Variants in DPYSL2 observed in about 807,000 individuals in gnomAD.
The protein encoded by DPYSL2 is dihydropyrimidinase like 2.
Under a neutral mutation model 69.9 loss-of-function variants are expected in DPYSL2, and 13 were observed. The observed-to-expected ratio is 0.19, with a 90% CI of 0.12 to 0.30. The LOEUF (loss-of-function observed/expected upper bound fraction) is 0.30, where lower values mean the gene tolerates loss of function less well. DPYSL2 is among the 10% of genes least tolerant of loss of function. The pLI, the probability that DPYSL2 is intolerant of heterozygous loss-of-function variation, is 1.00. For missense variants in DPYSL2, 587 were observed against 918.9 expected (o/e 0.64, Z 4.67); for synonymous variants, 326 against 359.1 (o/e 0.91, Z 1.04).
intron 3 of DPYSL2, among the ~76,000 whole-genome samples, chr8:26,594,812 A>G (rs1332026503): frequency 2.0e-5 from 3 of 152,240 alleles, no homozygotes; most frequent in Non-Finnish European, 4.4e-5. Flanking sequence ...AGAAGTCTCA[A>G]GGATTGTTTC....
In DPYSL2 at chr8:26,627,590, A is replaced by G. The variant is rs1308680827; in HGVS notation, c.937-282A>G. ...GTACGGGAACCCTCACGTCACACAC[A>G]GGCATTTTACACCGTGGCTGAGGGT... On this transcript the variant is annotated intron_variant, in intron 6 of 13. Coordinates refer to ENST00000521913, the MANE Select transcript of DPYSL2 (RefSeq NM_001197293.3). The surrounding 1 kb of genome is among the most constrained non-coding windows in gnomAD (Gnocchi z 6.9). 1.3e-5 allele frequency among the ~76,000 whole-genome samples: 2 copies of G among 152,214 alleles called. No homozygotes were observed. Among genetic ancestry groups the G allele is most frequent in the African/African-American group, 4.8e-5 (2 of 41,468 alleles).
intron 1 of DPYSL2, among the ~76,000 whole-genome samples, chr8:26,558,368 C>A (rs1801022479): frequency 6.6e-6 from 1 of 152,168 alleles, no homozygotes; most frequent in South Asian, 2.1e-4. Flanking sequence ...GATTCCAACT[C>A]TATGACATTC....
In DPYSL2 at chr8:26,560,741, G is replaced by A. The variant is rs1271807802; in HGVS notation, c.355-21228G>A. ...TATTTTCCAATCACTAACATCCTCT[G>A]TCTTTGCAATATGTATAATTTTATC... On this transcript the variant is annotated intron_variant, in intron 1 of 13. Transcript: ENST00000521913. The surrounding 1 kb of genome is among the most constrained non-coding windows in gnomAD (Gnocchi z 4.4). Among the ~76,000 whole-genome samples the A allele has an allele frequency of 6.6e-6, 1 of 152,180 alleles. No individual in the cohort carries two copies. The highest frequency in any genetic ancestry group is 1.5e-5 in the Non-Finnish European group (1 of 68,042).
chr8:26,606,778 TATTTA>T (rs561490809), intron 3 of DPYSL2, among the ~76,000 whole-genome samples: 77 of 152,362 alleles, frequency 5.1e-4, no homozygotes, highest in Admixed American at 1.6e-3. Flanking sequence ...TTATCTGTTT[TATTTA>T]ATTTCTTTTA....
intron 1 of DPYSL2, chr8:26,578,476 A>T: frequency 6.9e-7 from 1 of 1,453,948 alleles, no homozygotes; most frequent in African/African-American, 1.4e-5. Context: ...CCAGGATTAG[A>T]AGTCGCATCG....
chr8:26,557,438 T>C (rs1330332015), intron 1 of DPYSL2, among the ~76,000 whole-genome samples: 1 of 151,890 alleles, frequency 6.6e-6, no homozygotes, highest in Non-Finnish European at 1.5e-5. Flanking sequence ...CAAATAAGCA[T>C]GTGAAAAGGT....
At position 26,642,497 on chromosome 8, in the gene DPYSL2, G is replaced by A. The variant is rs953194896; in HGVS notation, c.1127-942G>A. ...GTGGATCACTCTGGAAGTGTCATGC[G>A]GAATGAATGGAGAGGTAGGAAGCGG... is the stretch of plus-strand genomic sequence containing the variant. On this transcript the variant is annotated intron_variant, in intron 8 of 13. Transcript: ENST00000521913. The surrounding 1 kb of genome is among the most constrained non-coding windows in gnomAD (Gnocchi z 5.3). Among the ~76,000 whole-genome samples, 19 of 152,292 alleles carry A rather than the reference G, an allele frequency of 1.2e-4. No individual in the cohort carries two copies. The highest frequency in any genetic ancestry group is 1.0e-3 in the South Asian group (5 of 4,826).
chr8:26,514,037 G>C lies in DPYSL2; in HGVS notation c.-289G>C, dbSNP rs1585481902. On this transcript the variant is annotated 5_prime_UTR_variant, in exon 1 of 14. Transcript: ENST00000521913. The surrounding 1 kb of genome is among the most constrained non-coding windows in gnomAD (Gnocchi z 8.4). ...GCTGCCGGGAACTGGCAGCCTTTCG[G>C]CTCCCGCAGCCGCAGCGGACGCCCT... 2 of 273,136 alleles carry C rather than the reference G, an allele frequency of 7.3e-6. No individual in the cohort carries two copies. Among genetic ancestry groups the C allele is most frequent in the East Asian group, 1.4e-4 (2 of 14,614 alleles). 16.9% of individuals were successfully genotyped at this position (273,136 alleles called of 1,614,324 possible). A position where few individuals can be genotyped will look rare whatever the true frequency, so the allele number is the denominator to read the frequency against.
intron 1 of DPYSL2, among the ~76,000 whole-genome samples, chr8:26,558,033 C>T (rs1342323237): frequency 6.6e-6 from 1 of 151,930 alleles, no homozygotes; most frequent in Non-Finnish European, 1.5e-5. Flanking sequence ...GACAGTTTGG[C>T]AGTACATTAC....
At chr8:26,649,232 C>T (rs1803233421) in intron 11 of DPYSL2, among the ~76,000 whole-genome samples, 1 of 152,206 alleles carries the variant, frequency 6.6e-6, no homozygotes, top group Non-Finnish European at 1.5e-5. Context: ...AATTAGAACC[C>T]AAAATTGTTC....
rs1186477708 is a variant in DPYSL2, at chr8:26,585,411, C to T, written c.628+1428C>T. On this transcript the variant is annotated intron_variant, in intron 3 of 13. Transcript: ENST00000521913. This position sits in a 1 kb window ranked among gnomAD's most constrained non-coding sequence, Gnocchi z 4.0. The stretch of plus-strand genomic sequence containing the variant: ...CTCTGGCGTTCTCTCTGTCCTGGCC[C>T]TCAGGGTCTGAAGCATCAGGAACAG... Among the ~76,000 whole-genome samples, 4 of 152,164 alleles carry T rather than the reference C, an allele frequency of 2.6e-5. No individual in the cohort carries two copies. Among genetic ancestry groups the T allele is most frequent in the Non-Finnish European group, 5.9e-5 (4 of 68,046 alleles).
At chr8:26,523,206 A>G (rs1467121406) in intron 1 of DPYSL2, among the ~76,000 whole-genome samples, 1 of 151,852 alleles carries the variant, frequency 6.6e-6, no homozygotes, top group Admixed American at 6.6e-5. Flanking sequence ...TTCTAATCCA[A>G]TGATTTGGGA....
Position 26,653,215 on chromosome 8 carries a change from A to C in DPYSL2, c.1777-17A>C, listed in dbSNP as rs762312752. On this transcript the variant is annotated splice_polypyrimidine_tract_variant and intron_variant, in intron 12 of 13. Transcript: ENST00000521913. The surrounding 1 kb of genome is among the most constrained non-coding windows in gnomAD (Gnocchi z 5.7). Reference sequence around the variant, plus strand: ...TGTGGCTGTGGCCTGAGCTGGGGGGACTCTTGTGTTTTGCAGCTGGCTGAG... The same window carrying C: ...TGTGGCTGTGGCCTGAGCTGGGGGGCCTCTTGTGTTTTGCAGCTGGCTGAG... 1.9e-6 allele frequency: 3 copies of C among 1,609,072 alleles called. No individual in the cohort carries two copies. The highest frequency in any genetic ancestry group is 2.5e-6 in the Non-Finnish European group (3 of 1,177,474).
chr8:26,622,480 GTGTGTGTGTGTGTGTGTA>G (rs1802518466), intron 3 of DPYSL2, among the ~76,000 whole-genome samples: 1 of 94,854 alleles, frequency 1.1e-5, no homozygotes, highest in Non-Finnish European at 2.2e-5. Flanking sequence ...GTGTATATGT[GTGTGTGTGTGTGTGTGTA>G]TATATATATT....
At position 26,653,075 on chromosome 8, in the gene DPYSL2, A is replaced by G. The variant is rs756735790; in HGVS notation, c.1777-157A>G. 3.3e-5 allele frequency among the ~76,000 whole-genome samples: 5 copies of G among 152,132 alleles called. No homozygotes were observed. In the South Asian group the frequency reaches 8.3e-4, roughly 25 times the overall value. ...ACCTTGTGGGGAGTTTTGGCCTGGC[A>G]TGGTGGGAGCTGGCCCCACACAACA... On this transcript the variant is annotated intron_variant, in intron 12 of 13. Transcript: ENST00000521913. This position sits in a 1 kb window ranked among gnomAD's most constrained non-coding sequence, Gnocchi z 5.7.
chr8:26,530,113 CAAAAAAAAA>C (rs34448431), intron 1 of DPYSL2, among the ~76,000 whole-genome samples: 9 of 72,042 alleles, frequency 1.2e-4, no homozygotes, highest in African/African-American at 5.3e-4. Context: ...ACTCCGTCTC[CAAAAAAAAA>C]AAAAAAAAAA....
rs900766450 is a variant in DPYSL2 at position 26,517,285 on chromosome 8, T to G, written c.354+2606T>G. ...ATGGCTCATGGAAGATGAGAGATGTTGGACATGTGCATTTGCAGGAACTAA... is the reference window on the plus strand; with the variant it reads ...ATGGCTCATGGAAGATGAGAGATGTGGGACATGTGCATTTGCAGGAACTAA... On this transcript the variant is annotated intron_variant, in intron 1 of 13. Coordinates refer to ENST00000521913, the MANE Select transcript of DPYSL2 (RefSeq NM_001197293.3). This position sits in a 1 kb window ranked among gnomAD's most constrained non-coding sequence, Gnocchi z 4.2. 7.9e-5 allele frequency among the ~76,000 whole-genome samples: 12 copies of G among 152,208 alleles called. No homozygotes were observed. The highest frequency in any genetic ancestry group is 2.9e-4 in the African/African-American group (12 of 41,456).
intron 3 of DPYSL2, among the ~76,000 whole-genome samples, chr8:26,615,920 A>G (rs1449629420): frequency 6.6e-6 from 1 of 152,194 alleles, no homozygotes; most frequent in Non-Finnish European, 1.5e-5. Flanking sequence ...AATACTACAC[A>G]GTGTTTTATG....
intron 8 of DPYSL2, among the ~76,000 whole-genome samples, chr8:26,635,383 C>T (rs1449303962): frequency 6.6e-6 from 1 of 152,140 alleles, no homozygotes; most frequent in African/African-American, 2.4e-5. Context: ...TTGATAAACT[C>T]TCTTGATGCA....
Sources: gnomAD v4.1 joint callset for allele counts (sites outside exome capture counted in the v4.1 genomes callset) on GRCh38, gnomAD v4.1.1 for gene constraint, Gnocchi (gnomAD v3.1) non-coding constraint, MANE v1.5 for transcripts, NCBI Gene and HGNC (gene_info 2026-07-23, HGNC 2026-07-21) for gene names.